MROH9: variants seen among roughly 807,000 people sequenced by gnomAD.
The protein encoded by MROH9 is maestro heat like repeat family member 9.
Under a neutral mutation model 98.2 loss-of-function variants are expected in MROH9, and 92 were observed. That is an observed-to-expected ratio of 0.94 (90% CI 0.79 to 1.11). MROH9 has a LOEUF of 1.11. Among genes scored for constraint, MROH9 ranks in the 50% most tolerant of loss-of-function variants. The pLI is 0.00. For missense variants in MROH9, 1,057 were observed against 1,014.8 expected, an observed-to-expected ratio of 1.04 and a Z score of -0.57; for synonymous variants, 397 against 368.9, an observed-to-expected ratio of 1.08 and a Z score of -0.87.
chr1:170,944,808 T>C (rs1649260510), intron 1 of MROH9, among the ~76,000 whole-genome samples: 1 of 151,978 alleles, frequency 6.6e-6, no homozygotes, highest in Admixed American at 6.6e-5. Flanking sequence ...TCCCCTAGTA[T>C]CCACGTCTTA....
intron 1 of MROH9, among the ~76,000 whole-genome samples, chr1:170,940,527 T>C (rs1335749899): frequency 6.6e-6 from 1 of 152,214 alleles, no homozygotes. Flanking sequence ...AACTGCTTCA[T>C]GTACACCTTA....
At chr1:171,035,298 G>A (rs1653062254) in intron 20 of MROH9, among the ~76,000 whole-genome samples, 1 of 151,320 alleles carries the variant, frequency 6.6e-6, no homozygotes, top group Non-Finnish European at 1.5e-5. Context: ...TAAATATAAA[G>A]AGGAAGTTCA....
chr1:170,953,920 C>T (rs548143100), intron 3 of MROH9, among the ~76,000 whole-genome samples: 7 of 148,638 alleles, frequency 4.7e-5, no homozygotes, highest in East Asian at 4.0e-4. Context: ...AAAGAAACAC[C>T]GTGAAAAGAG....
At chr1:170,974,431 T>C (rs1375131239) in intron 8 of MROH9, among the ~76,000 whole-genome samples, 3 of 151,744 alleles carry the variant, frequency 2.0e-5, no homozygotes, top group African/African-American at 7.3e-5. Context: ...AAAAAGGACA[T>C]TACATATAGA....
At chr1:170,973,547 A>G (rs1650561453) in intron 8 of MROH9, among the ~76,000 whole-genome samples, 2 of 152,190 alleles carry the variant, frequency 1.3e-5, no homozygotes. Context: ...TGCACTCAAC[A>G]AGTTAAAATT....
intron 8 of MROH9, among the ~76,000 whole-genome samples, chr1:170,978,343 G>A (rs970246097): frequency 6.6e-6 from 1 of 152,140 alleles, no homozygotes; most frequent in Non-Finnish European, 1.5e-5. Flanking sequence ...GAACTCTGCT[G>A]TGGCAGTAGC....
chr1:171,009,070 C>G (rs1437507704), intron 15 of MROH9, among the ~76,000 whole-genome samples: 1 of 150,400 alleles, frequency 6.6e-6, no homozygotes, highest in East Asian at 1.9e-4. Flanking sequence ...ATATACTTAT[C>G]TTTTGGAGAG....
intron 15 of MROH9, among the ~76,000 whole-genome samples, chr1:171,001,286 G>A (rs879441237): frequency 6.6e-6 from 1 of 151,764 alleles, no homozygotes; most frequent in Non-Finnish European, 1.5e-5. Flanking sequence ...CTTCGGCTTG[G>A]TTTGAGTTTA....
chr1:170,985,306 T>A (rs1453464298), intron 9 of MROH9, among the ~76,000 whole-genome samples: 2 of 152,102 alleles, frequency 1.3e-5, no homozygotes, highest in East Asian at 3.9e-4. Context: ...TGTGGACTAT[T>A]AAGTTAATAG....
At chr1:170,938,261 T>A (rs971696060) in intron 1 of MROH9, among the ~76,000 whole-genome samples, 1 of 152,040 alleles carries the variant, frequency 6.6e-6, no homozygotes, top group Non-Finnish European at 1.5e-5. Context: ...AGAACTGAGA[T>A]CTCTAAGCCA....
At chr1:170,948,207 C>T (rs1649409279) in intron 3 of MROH9, among the ~76,000 whole-genome samples, 1 of 151,930 alleles carries the variant, frequency 6.6e-6, no homozygotes, top group South Asian at 2.1e-4. Flanking sequence ...TCATTTTAAT[C>T]CACATCCAAA....
chr1:170,985,876 T>C (rs1276199823), intron 9 of MROH9, among the ~76,000 whole-genome samples: 3 of 152,122 alleles, frequency 2.0e-5, no homozygotes, highest in African/African-American at 7.2e-5. Flanking sequence ...CAAAAAGCAA[T>C]ACTCCATCCC....
At chr1:171,008,712 T>TGCTTGTGAATAATCAGTGCATTCCA (rs1652043104) in intron 15 of MROH9, among the ~76,000 whole-genome samples, 1 of 152,226 alleles carries the variant, frequency 6.6e-6, no homozygotes, top group Non-Finnish European at 1.5e-5. Context: ...GCTGTGATTG[T>TGCTTGTGAATAATCAGTGCATTCCA]GCTTGTGAAT....
chr1:170,988,952 G>T (rs930397369), intron 10 of MROH9, among the ~76,000 whole-genome samples: 1 of 152,188 alleles, frequency 6.6e-6, no homozygotes, highest in Non-Finnish European at 1.5e-5. Flanking sequence ...CTGTGGAAAA[G>T]AGTAGTTTGA....
At chr1:170,974,769 A>G (rs1259767155) in intron 8 of MROH9, among the ~76,000 whole-genome samples, 3 of 152,190 alleles carry the variant, frequency 2.0e-5, no homozygotes, top group African/African-American at 4.8e-5. Flanking sequence ...ATATTCATTT[A>G]TCTTTCTTAT....
chr1:170,979,943 A>G (rs997891797), intron 8 of MROH9, among the ~76,000 whole-genome samples: 1 of 152,168 alleles, frequency 6.6e-6, no homozygotes, highest in African/African-American at 2.4e-5. Flanking sequence ...TACACCAACA[A>G]TAGGCAAGCA....
intron 20 of MROH9, among the ~76,000 whole-genome samples, chr1:171,049,582 C>G (rs140138405): frequency 2.1e-3 from 317 of 152,240 alleles, no homozygotes; most frequent in African/African-American, 7.3e-3. Context: ...TGCTCCACCC[C>G]CCATTTCTTC....
At position 170,986,701 on chromosome 1, in the gene MROH9, G is replaced by A. The variant is rs530754976; in HGVS notation, c.870G>A (p.Lys290=). 1.9e-5 allele frequency: 30 copies of A among 1,613,560 alleles called. No individual in the cohort carries two copies. The South Asian group carries it at 3.3e-4, about 18-fold the overall frequency. The part of the protein sequence containing the change: ...LIFTLEFHAE[K]VTMVSKIVDA... ...TTACTCTGGAATTTCATGCCGAGAAGGTCACCATGGTAAGATACTTGACAA... is the reference window on the plus strand; with the variant it reads ...TTACTCTGGAATTTCATGCCGAGAAAGTCACCATGGTAAGATACTTGACAA... The change falls in exon 10 of 22, where the codon AAG becomes AAA. Residue 290 remains lysine, a synonymous_variant. Coordinates refer to ENST00000367759, the MANE Select transcript of MROH9 (RefSeq NM_001163629.2).
chr1:170,965,124 C>G, intron 6 of MROH9, 27 bp from the exon 7 acceptor site: 1 of 1,542,152 alleles, frequency 6.5e-7, no homozygotes, highest in Non-Finnish European at 8.9e-7. Context: ...TTTCATGGTT[C>G]TAGGATGACT....
Sources: gnomAD v4.1 joint callset for allele counts (sites outside exome capture counted in the v4.1 genomes callset) on GRCh38, gnomAD v4.1.1 for gene constraint, MANE v1.5 for transcripts, NCBI Gene and HGNC (gene_info 2026-07-23, HGNC 2026-07-21) for gene names.